The following SHISA9 variants were observed in gnomAD, a reference collection of about 807,000 sequenced individuals.
SHISA9 encodes shisa family member 9, also known as protein shisa-9.
A neutral mutation model predicts 38.0 loss-of-function variants in SHISA9; 13 were observed. The ratio of observed to expected loss-of-function variants is 0.34; its 90% CI spans 0.22 to 0.54. The LOEUF (loss-of-function observed/expected upper bound fraction) is 0.54, where lower values mean the gene tolerates loss of function less well. Ranked by LOEUF, SHISA9 falls within the 20% of genes least tolerant of loss-of-function variation. The probability of loss-of-function intolerance (pLI) is 0.91; values close to 1 mark genes in which losing one functional copy is unlikely to be tolerated. For missense variants in SHISA9, 538 were observed against 575.8 expected, an observed-to-expected ratio of 0.93 and a Z score of 0.67; for synonymous variants, 275 against 242.0, an observed-to-expected ratio of 1.14 and a Z score of -1.27.
chr16:13,396,780 A>T, the SHISA9 span, among the ~76,000 whole-genome samples: 15 of 152,176 alleles, frequency 9.9e-5, no homozygotes, highest in Non-Finnish European at 2.1e-4. Flanking sequence ...TGTAAACATC[A>T]GTCCTCAAGG....
chr16:13,472,025 A>G, the SHISA9 span, among the ~76,000 whole-genome samples: 1 of 152,192 alleles, frequency 6.6e-6, no homozygotes, highest in Non-Finnish European at 1.5e-5. Context: ...GATGGTCTAG[A>G]GGAGCGTGTT....
At chr16:13,046,297 A>T (rs776042824) in intron 2 of SHISA9, among the ~76,000 whole-genome samples, 9 of 152,216 alleles carry the variant, frequency 5.9e-5, no homozygotes, top group Non-Finnish European at 1.2e-4. Context: ...ATATGAGCTG[A>T]CAAGGGATAT....
chr16:13,165,530 A>G (rs2050628049), intron 2 of SHISA9, among the ~76,000 whole-genome samples: 1 of 152,210 alleles, frequency 6.6e-6, no homozygotes, highest in Non-Finnish European at 1.5e-5. Flanking sequence ...GAATTTGGCA[A>G]CAGCCATGGA....
chr16:12,993,183 C>T (rs777926632), intron 2 of SHISA9, among the ~76,000 whole-genome samples: 6 of 152,036 alleles, frequency 3.9e-5, no homozygotes, highest in Non-Finnish European at 8.8e-5. Context: ...AGGCACCTAC[C>T]CTCATATATA....
the SHISA9 span, among the ~76,000 whole-genome samples, chr16:13,308,564 C>T: frequency 5.8e-4 from 88 of 152,274 alleles, no homozygotes; most frequent in Admixed American, 2.5e-3. Flanking sequence ...ATCCCAATGA[C>T]GGTAATCTTC....
chr16:13,212,859 C>G (rs945442835), intron 3 of SHISA9, among the ~76,000 whole-genome samples: 1 of 152,190 alleles, frequency 6.6e-6, no homozygotes, highest in Non-Finnish European at 1.5e-5. Flanking sequence ...AAGTCTATCT[C>G]TTGTCATCAG....
intron 4 of SHISA9, among the ~76,000 whole-genome samples, chr16:13,225,625 G>T (rs749514629): frequency 6.6e-6 from 1 of 152,184 alleles, no homozygotes; most frequent in Non-Finnish European, 1.5e-5. Context: ...TACCAAGAAA[G>T]AATGAGTGGT....
the SHISA9 span, among the ~76,000 whole-genome samples, chr16:13,375,533 C>G: frequency 6.6e-6 from 1 of 152,102 alleles, no homozygotes; most frequent in Non-Finnish European, 1.5e-5. Context: ...TGGTCTATAT[C>G]TCTGTTTTGG....
intron 2 of SHISA9, among the ~76,000 whole-genome samples, chr16:12,962,741 G>C (rs890602895): frequency 1.3e-5 from 2 of 152,214 alleles, no homozygotes; most frequent in Non-Finnish European, 2.9e-5. Context: ...CTATGGTATT[G>C]TGTTATGGTG....
chr16:13,200,409 AACACACACAC>A (rs148088145), intron 2 of SHISA9, among the ~76,000 whole-genome samples: 11 of 136,522 alleles, frequency 8.1e-5, no homozygotes, highest in Non-Finnish European at 1.5e-4. Context: ...TATATCATGA[AACACACACAC>A]ACACACACAC....
chr16:13,358,972 G>T, the SHISA9 span, among the ~76,000 whole-genome samples: 1 of 152,152 alleles, frequency 6.6e-6, no homozygotes, highest in East Asian at 1.9e-4. Flanking sequence ...TGGAATTTTT[G>T]GAATACCTCC....
At chr16:12,908,692 A>T (rs2071138451) in intron 1 of SHISA9, 3 of 1,509,060 alleles carry the variant, frequency 2.0e-6, no homozygotes, top group Admixed American at 4.2e-5. Context: ...ACAACAGCTC[A>T]TGCATCGGGG....
chr16:13,256,206 G>C, the SHISA9 span, among the ~76,000 whole-genome samples: 1 of 152,080 alleles, frequency 6.6e-6, no homozygotes, highest in Non-Finnish European at 1.5e-5. Context: ...TGCCTTCCCA[G>C]CCTCGATTAG....
intron 2 of SHISA9, among the ~76,000 whole-genome samples, chr16:13,016,718 TA>T (rs1458257675): frequency 2.0e-5 from 3 of 152,242 alleles, no homozygotes; most frequent in Non-Finnish European, 4.4e-5. Flanking sequence ...TATTTACATG[TA>T]AAATTTTACA....
intron 2 of SHISA9, among the ~76,000 whole-genome samples, chr16:13,202,268 T>A (rs2051013262): frequency 7.7e-6 from 1 of 130,308 alleles, no homozygotes. Flanking sequence ...CATGTTGGGT[T>A]CCATCCAGCT....
chr16:12,964,089 G>T (rs1253888735), intron 2 of SHISA9, among the ~76,000 whole-genome samples: 2 of 152,202 alleles, frequency 1.3e-5, no homozygotes, highest in Admixed American at 6.5e-5. Flanking sequence ...TGCTGCTGAA[G>T]TTGGGCCAGG....
At chr16:13,268,449 C>T in the SHISA9 span, among the ~76,000 whole-genome samples, 1 of 152,184 alleles carries the variant, frequency 6.6e-6, no homozygotes, top group African/African-American at 2.4e-5. Context: ...GCAGAGGTTG[C>T]AGTGGGCCAA....
intron 2 of SHISA9, among the ~76,000 whole-genome samples, chr16:13,059,730 C>T (rs1409609928): frequency 6.6e-6 from 1 of 152,058 alleles, no homozygotes; most frequent in East Asian, 1.9e-4. Context: ...TATTATATAA[C>T]CACATTCTGA....
intron 2 of SHISA9, among the ~76,000 whole-genome samples, chr16:13,005,250 G>A (rs1013416802): frequency 1.3e-5 from 2 of 152,174 alleles, no homozygotes; most frequent in African/African-American, 4.8e-5. Flanking sequence ...GGATATATGA[G>A]TATGGAGTTC....
Sources: allele counts gnomAD v4.1 joint callset (sites outside exome capture counted in the v4.1 genomes callset), GRCh38; gene constraint gnomAD v4.1.1; transcripts MANE v1.5; gene names NCBI Gene and HGNC (gene_info 2026-07-23, HGNC 2026-07-21).